TDRD5: variants seen among roughly 807,000 people sequenced by gnomAD.
TDRD5 encodes the protein tudor domain-containing protein 5.
Under a neutral mutation model 120.6 loss-of-function variants are expected in TDRD5, and 41 were observed. The observed-to-expected ratio is 0.34, with a 90% CI of 0.26 to 0.44. TDRD5 has a LOEUF of 0.44. TDRD5 is among the 20% of genes least tolerant of loss of function. The pLI, the probability that TDRD5 is intolerant of heterozygous loss-of-function variation, is 1.00. For synonymous variants in TDRD5, 430 were observed against 433.7 expected (o/e 0.99, Z 0.11); for missense variants, 1,006 against 1,221.2 (o/e 0.82, Z 2.63).
chr1:179,650,737 G>A, intron 11 of TDRD5, 130 bp from the exon 12 acceptor site: 1 of 860,766 alleles, frequency 1.2e-6, no homozygotes, highest in Non-Finnish European at 1.8e-6. Flanking sequence ...CCTCCTATGT[G>A]TTATTCTAGT....
rs897224510 is a variant in TDRD5, at chr1:179,625,378, C to T, written c.972+4287C>T. On this transcript the variant is annotated intron_variant, in intron 6 of 17. Transcript: ENST00000444136. ...GAGACCCCATTTAAAATTGAATAGG[C>T]AGACCACAGACTGGGAAGAAATATT... Among the ~76,000 whole-genome samples, 12 of 152,044 alleles carry T rather than the reference C, an allele frequency of 7.9e-5. No individual in the cohort carries two copies. In the East Asian group the frequency reaches 2.3e-3, roughly 29 times the overall value.
intron 3 of TDRD5, 99 bp from the exon 4 acceptor site, chr1:179,595,529 A>G: frequency 2.9e-6 from 3 of 1,024,654 alleles, no homozygotes; most frequent in Non-Finnish European, 4.1e-6. Context: ...TCTAAGTTGA[A>G]GGCAGTTAGC....
intron 2 of TDRD5, 97 bp downstream of exon 2, chr1:179,592,944 C>T: frequency 8.0e-7 from 1 of 1,255,160 alleles, no homozygotes; most frequent in South Asian, 1.5e-5. Context: ...GCATCCCAGC[C>T]AGTGGATTTT....
intron 11 of TDRD5, among the ~76,000 whole-genome samples, chr1:179,646,633 G>T (rs1341030934): frequency 1.3e-5 from 2 of 151,614 alleles, no homozygotes; most frequent in East Asian, 1.9e-4. Context: ...GAAATAGAGG[G>T]TATTCAATTA....
At chr1:179,638,154 A>ACTCTGTTGCTAG (rs1572381991) in intron 9 of TDRD5, among the ~76,000 whole-genome samples, 3 of 64,938 alleles carry the variant, frequency 4.6e-5, no homozygotes, top group East Asian at 4.7e-4. Context: ...ATACCATGGG[A>ACTCTGTTGCTAG]AGATGTTTTC....
chr1:179,597,980 A>G (rs929010197), intron 4 of TDRD5, among the ~76,000 whole-genome samples: 1 of 152,204 alleles, frequency 6.6e-6, no homozygotes, highest in African/African-American at 2.4e-5. Context: ...TGACAGGGAT[A>G]TGATCTGAGA....
chr1:179,676,291 A>T (rs1023495237), intron 17 of TDRD5, among the ~76,000 whole-genome samples: 8 of 152,182 alleles, frequency 5.3e-5, no homozygotes, highest in Admixed American at 4.6e-4. Context: ...TTGGTTGGTG[A>T]ATTCTTATCC....
At chr1:179,639,301 C>G (rs927453044) in intron 9 of TDRD5, among the ~76,000 whole-genome samples, 3 of 152,044 alleles carry the variant, frequency 2.0e-5, no homozygotes, top group Admixed American at 6.5e-5. Flanking sequence ...AGGATTTGGA[C>G]CCAGGTTATT....
At chr1:179,651,450 G>A (rs1049082610) in intron 12 of TDRD5, among the ~76,000 whole-genome samples, 9 of 152,000 alleles carry the variant, frequency 5.9e-5, no homozygotes, top group African/African-American at 1.7e-4. Flanking sequence ...GCAACAGGGC[G>A]AAGACTCTGT....
intron 17 of TDRD5, among the ~76,000 whole-genome samples, chr1:179,679,065 A>G (rs1680292696): frequency 6.6e-6 from 1 of 152,174 alleles, no homozygotes; most frequent in African/African-American, 2.4e-5. Context: ...GATAGTTTTT[A>G]TTATGAATCG....
chr1:179,604,788 G>C (rs954892658), intron 4 of TDRD5, among the ~76,000 whole-genome samples: 2 of 151,984 alleles, frequency 1.3e-5, no homozygotes, highest in South Asian at 4.2e-4. Flanking sequence ...TCGTTTTATG[G>C]CCTATTATAT....
At chr1:179,610,497 C>T (rs1676220011) in intron 4 of TDRD5, among the ~76,000 whole-genome samples, 1 of 152,136 alleles carries the variant, frequency 6.6e-6, no homozygotes, top group African/African-American at 2.4e-5. Flanking sequence ...AATTGACCTC[C>T]AGAAAAGTAT....
intron 11 of TDRD5, among the ~76,000 whole-genome samples, chr1:179,647,978 T>A (rs1347336843): frequency 1.3e-5 from 2 of 151,974 alleles, no homozygotes; most frequent in Admixed American, 6.6e-5. Flanking sequence ...GAGAAATAGG[T>A]ACACTTTTAC....
At chr1:179,669,487 C>A in intron 17 of TDRD5, 83 bp downstream of exon 17, 1 of 1,470,070 alleles carries the variant, frequency 6.8e-7, no homozygotes, top group East Asian at 2.3e-5. Flanking sequence ...TTCATTTATC[C>A]CTTGCAAAAT....
chr1:179,646,807 A>G (rs1432334905), intron 11 of TDRD5, among the ~76,000 whole-genome samples: 2 of 152,222 alleles, frequency 1.3e-5, no homozygotes, highest in East Asian at 3.9e-4. Flanking sequence ...TTATACACCA[A>G]CAACAGACAG....
chr1:179,675,283 T>TA (rs1680083776), intron 17 of TDRD5, among the ~76,000 whole-genome samples: 4 of 125,700 alleles, frequency 3.2e-5, no homozygotes, highest in Admixed American at 1.6e-4. Flanking sequence ...ATTTTTTTTT[T>TA]TTTTTTTTTT....
intron 7 of TDRD5, 86 bp downstream of exon 7, chr1:179,631,006 G>A (rs1431970267): frequency 2.9e-5 from 38 of 1,315,410 alleles, no homozygotes; most frequent in Non-Finnish European, 3.9e-5. Context: ...GCCTAGCCAT[G>A]AAATGTTTTA....
At position 179,594,666 on chromosome 1, in the gene TDRD5, T is replaced by C. The variant is rs146940440; in HGVS notation, c.640+799T>C. On this transcript the variant is annotated intron_variant, in intron 3 of 17. Transcript: ENST00000444136. ...GAGAATTCTATGCTTATTTCAGTGA[T>C]TTTCTTTTTCTCCAACTTCTGCATT... Among the ~76,000 whole-genome samples, 122 of 152,370 alleles carry C rather than the reference T, an allele frequency of 8.0e-4. 3 individuals carry two copies. Among genetic ancestry groups the C allele is most frequent in the East Asian group, 6.6e-3 (34 of 5,188 alleles).
At chr1:179,650,293 C>T (rs1678639907) in intron 11 of TDRD5, among the ~76,000 whole-genome samples, 1 of 150,578 alleles carries the variant, frequency 6.6e-6, no homozygotes, top group Non-Finnish European at 1.5e-5. Flanking sequence ...CCCAGCTACT[C>T]AGGAGGCTGA....
Sources: allele counts gnomAD v4.1 joint callset (sites outside exome capture counted in the v4.1 genomes callset), GRCh38; gene constraint gnomAD v4.1.1; transcripts MANE v1.5; gene names NCBI Gene and HGNC (gene_info 2026-07-23, HGNC 2026-07-21).